PDGFD: variants seen among roughly 807,000 people sequenced by gnomAD.
PDGFD encodes platelet derived growth factor D, also known as platelet-derived growth factor D.
PDGFD carries 30 observed loss-of-function variants against 44.7 expected under a neutral mutation model. The ratio of observed to expected loss-of-function variants is 0.67; its 90% CI spans 0.50 to 0.91. The LOEUF (loss-of-function observed/expected upper bound fraction) is 0.91, where lower values mean the gene tolerates loss of function less well. Ranked by LOEUF, PDGFD falls within the 40% of genes least tolerant of loss-of-function variation. The pLI is 0.00. For synonymous variants in PDGFD, 173 were observed against 168.4 expected (o/e 1.03, Z -0.21); for missense variants, 445 against 457.8 (o/e 0.97, Z 0.25).
chr11:104,051,200 A>C (rs989469601), intron 1 of PDGFD, among the ~76,000 whole-genome samples: 1 of 152,198 alleles, frequency 6.6e-6, no homozygotes, highest in Admixed American at 6.5e-5. Flanking sequence ...GTAGCAAAGA[A>C]AGTTTGGTAC....
chr11:104,148,985 AT>A (rs1862206355), intron 1 of PDGFD, among the ~76,000 whole-genome samples: 1 of 152,030 alleles, frequency 6.6e-6, no homozygotes, highest in Non-Finnish European at 1.5e-5. Context: ...TCATGTATTT[AT>A]TTTTACTTTT....
intron 3 of PDGFD, among the ~76,000 whole-genome samples, chr11:103,991,649 A>T (rs1349954056): frequency 2.0e-5 from 3 of 152,216 alleles, no homozygotes; most frequent in Admixed American, 1.3e-4. Context: ...TGTACCTCAC[A>T]TTAACACAGA....
intron 3 of PDGFD, among the ~76,000 whole-genome samples, chr11:103,986,149 G>A (rs961438554): frequency 6.6e-6 from 1 of 152,144 alleles, no homozygotes; most frequent in African/African-American, 2.4e-5. Context: ...GAACATTTAG[G>A]ACAGTTGTTT....
intron 3 of PDGFD, among the ~76,000 whole-genome samples, chr11:103,989,428 C>CA (rs1334763253): frequency 3.3e-5 from 5 of 152,224 alleles, no homozygotes; most frequent in African/African-American, 1.2e-4. Flanking sequence ...CAGCAGCATT[C>CA]ACCCAGGGGT....
At chr11:104,091,682 G>A (rs1861214677) in intron 1 of PDGFD, among the ~76,000 whole-genome samples, 1 of 152,096 alleles carries the variant, frequency 6.6e-6, no homozygotes, top group Admixed American at 6.6e-5. Flanking sequence ...TAGGTTTTAT[G>A]TACTTTTAGA....
chr11:103,935,793 C>T (rs1025599781), intron 5 of PDGFD, among the ~76,000 whole-genome samples: 1 of 152,074 alleles, frequency 6.6e-6, no homozygotes, highest in East Asian at 1.9e-4. Context: ...TCTTTCATTA[C>T]CTAATCCTAA....
chr11:104,111,889 T>C (rs910380680), intron 1 of PDGFD, among the ~76,000 whole-genome samples: 1 of 152,184 alleles, frequency 6.6e-6, no homozygotes, highest in Non-Finnish European at 1.5e-5. Context: ...CTATGCCTGC[T>C]TCAAAAAGTA....
chr11:103,988,394 A>ACTCCC (rs1454128293), intron 3 of PDGFD, among the ~76,000 whole-genome samples: 1 of 151,964 alleles, frequency 6.6e-6, no homozygotes, highest in Non-Finnish European at 1.5e-5. Context: ...CAAGCTGGAA[A>ACTCCC]TGTGTTTACT....
At chr11:104,098,193 T>C (rs538962753) in intron 1 of PDGFD, among the ~76,000 whole-genome samples, 7 of 152,132 alleles carry the variant, frequency 4.6e-5, no homozygotes, top group Non-Finnish European at 7.3e-5. Context: ...GTGCCTACTA[T>C]GTGTATGACT....
rs1859598099 is a variant in PDGFD, at chr11:104,000,109, T to A, written c.271A>T (p.Ile91Leu). ...AACTGATTGTCAAACACTAGCTGTA[T>A]CCGTGTATTCTCCTGAGAGTGAAGC... ...WRLHSQENTR[I>L]QLVFDNQFGL... The change falls in exon 2 of 7, where the codon ATA becomes TTA. Residue 91 changes from isoleucine (I) to leucine (L), a missense_variant. Ile to Leu is a conservative substitution (Grantham distance 5). Coordinates refer to ENST00000393158, the MANE Select transcript of PDGFD (RefSeq NM_025208.5). 1 of 1,614,038 alleles carries A rather than the reference T, an allele frequency of 6.2e-7. No homozygotes were observed. The highest frequency in any genetic ancestry group is 8.5e-7 in the Non-Finnish European group (1 of 1,180,024).
intron 1 of PDGFD, among the ~76,000 whole-genome samples, chr11:104,146,185 T>C (rs1010976434): frequency 1.3e-5 from 2 of 152,216 alleles, no homozygotes; most frequent in African/African-American, 4.8e-5. Context: ...CTCTTTTTTG[T>C]ATTCATGTTT....
chr11:103,979,830 T>C (rs1471352980), intron 3 of PDGFD, among the ~76,000 whole-genome samples: 1 of 152,128 alleles, frequency 6.6e-6, no homozygotes, highest in African/African-American at 2.4e-5. Flanking sequence ...ATATACATTT[T>C]TTTGTTACAC....
intron 3 of PDGFD, among the ~76,000 whole-genome samples, chr11:103,963,187 G>A (rs564590711): frequency 2.0e-5 from 3 of 151,974 alleles, no homozygotes; most frequent in South Asian, 4.2e-4. Flanking sequence ...TTTTTTCCTT[G>A]GAAAAAATGT....
At chr11:104,102,295 G>T (rs891414285) in intron 1 of PDGFD, among the ~76,000 whole-genome samples, 18 of 152,156 alleles carry the variant, frequency 1.2e-4, no homozygotes, top group African/African-American at 3.6e-4. Context: ...CTCAAAAGAA[G>T]ACATTTATGC....
At chr11:104,108,455 C>T (rs1368471039) in intron 1 of PDGFD, among the ~76,000 whole-genome samples, 1 of 152,130 alleles carries the variant, frequency 6.6e-6, no homozygotes, top group African/African-American at 2.4e-5. Context: ...AAAAAATGCT[C>T]ATCATCACTG....
chr11:103,909,559 G>T lies in PDGFD; in HGVS notation c.*135C>A, dbSNP rs1857995307. ...CATGGCATTAACAAAGCAAGGCTGA[G>T]ACTCAGCAACCACTTGTGTTCATTG... On this transcript the variant is annotated 3_prime_UTR_variant, in exon 7 of 7. Coordinates refer to ENST00000393158, the MANE Select transcript of PDGFD (RefSeq NM_025208.5). The T allele has an allele frequency of 1.8e-6, 2 of 1,140,312 alleles. No individual in the cohort carries two copies. The highest frequency in any genetic ancestry group is 1.3e-6 in the Non-Finnish European group (1 of 784,842). The allele number at this position is 1,140,312 out of a possible 1,614,324, so 70.6% of individuals were successfully genotyped here.
intron 1 of PDGFD, among the ~76,000 whole-genome samples, chr11:104,119,874 AATT>A (rs200321683): frequency 0.23 from 23,015 of 99,486 alleles, 2,217 homozygotes; most frequent in Middle Eastern, 0.4. Flanking sequence ...ATATATAATC[AATT>A]ATTATATAGT....
chr11:104,141,170 A>G (rs1448281813), intron 1 of PDGFD, among the ~76,000 whole-genome samples: 3 of 152,188 alleles, frequency 2.0e-5, no homozygotes, highest in Non-Finnish European at 4.4e-5. Context: ...AGAAACTAAA[A>G]CCAACGTAGT....
At position 103,908,895 on chromosome 11, in the gene PDGFD, A is replaced by G. The variant is rs886932755; in HGVS notation, c.*799T>C. The G allele has an allele frequency of 2.6e-5, 4 of 152,224 alleles. No individual in the cohort carries two copies. Among genetic ancestry groups the G allele is most frequent in the African/African-American group, 7.2e-5 (3 of 41,476 alleles). The allele number at this position is 152,224 out of a possible 1,614,324, so 9.4% of individuals were successfully genotyped here. ...AAGAAAAACAATTCAAAATTCTGTT[A>G]CAGCTTATACATTGTCTTTTGTAGG... On this transcript the variant is annotated 3_prime_UTR_variant, in exon 7 of 7. Transcript: ENST00000393158.
Sources: gnomAD v4.1 joint callset for allele counts (sites outside exome capture counted in the v4.1 genomes callset) on GRCh38, gnomAD v4.1.1 for gene constraint, MANE v1.5 for transcripts, NCBI Gene and HGNC (gene_info 2026-07-23, HGNC 2026-07-21) for gene names.